PSTPIP1: variants seen among roughly 807,000 people sequenced by gnomAD.
The protein encoded by PSTPIP1 is proline-serine-threonine phosphatase-interacting protein 1.
PSTPIP1 carries 66 observed loss-of-function variants against 69.6 expected under a neutral mutation model. The ratio of observed to expected loss-of-function variants is 0.95; its 90% confidence interval spans 0.78 to 1.16. The LOEUF is 1.16. Among genes scored for constraint, PSTPIP1 ranks in the 50% most tolerant of loss-of-function variants. The pLI is 0.00. For missense variants in PSTPIP1, 603 were observed against 557.4 expected (o/e 1.08, Z -0.82); for synonymous variants, 266 against 222.7 (o/e 1.19, Z -1.73).
chr15:77,017,470 T>A (rs2076073579), intron 1 of PSTPIP1, among the ~76,000 whole-genome samples: 1 of 152,142 alleles, frequency 6.6e-6, no homozygotes, highest in South Asian at 2.1e-4. Flanking sequence ...AGGGTGTGCT[T>A]GCGCATGCTC....
At chr15:77,026,881 T>C (rs1442143624) in intron 5 of PSTPIP1, among the ~76,000 whole-genome samples, 2 of 152,236 alleles carry the variant, frequency 1.3e-5, no homozygotes, top group Non-Finnish European at 1.5e-5. Flanking sequence ...CCAGAGGAGC[T>C]GCACTGGCTG....
At chr15:77,013,843 T>C (rs2075995216) in intron 1 of PSTPIP1, among the ~76,000 whole-genome samples, 1 of 152,234 alleles carries the variant, frequency 6.6e-6, no homozygotes, top group South Asian at 2.1e-4. Flanking sequence ...ATAGATGCTG[T>C]ATTCTGGAGT....
chr15:77,028,251 C>A (rs2076331571), intron 6 of PSTPIP1: 1 of 493,060 alleles, frequency 2.0e-6, no homozygotes, highest in Non-Finnish European at 3.6e-6. Context: ...CCTAAGAGGG[C>A]GCGGCGTGGC....
intron 4 of PSTPIP1, 81 bp from the exon 5 acceptor site, chr15:77,025,417 C>G: frequency 6.3e-7 from 1 of 1,583,866 alleles, no homozygotes; most frequent in Non-Finnish European, 8.7e-7. Context: ...TGGGGCTGGG[C>G]TGGCCCACAC....
At chr15:77,009,857 G>C (rs896574472) in intron 1 of PSTPIP1, among the ~76,000 whole-genome samples, 1 of 152,166 alleles carries the variant, frequency 6.6e-6, no homozygotes, top group African/African-American at 2.4e-5. Context: ...TCCTCCCCTG[G>C]GACATCCCTG....
chr15:76,995,202 C>A lies in PSTPIP1; in HGVS notation c.-372C>A. On this transcript the variant is annotated 5_prime_UTR_variant, in exon 1 of 15. Transcript: ENST00000558012. ...GGCCCGAGCTCCAGCCTGCCTCTTC[C>A]ACTGGCCACTGCCTCCCACCCAGGG... 8.3e-7 allele frequency: 1 copy of A among 1,209,440 alleles called. No individual in the cohort carries two copies. The highest frequency in any genetic ancestry group is 1.0e-6 in the Non-Finnish European group (1 of 958,866). 74.9% of individuals were successfully genotyped at this position (1,209,440 alleles called of 1,614,324 possible).
chr15:76,995,087 T>C, upstream of PSTPIP1: 1 of 1,177,758 alleles, frequency 8.5e-7, no homozygotes, highest in Middle Eastern at 3.9e-4. Flanking sequence ...CCACTTCCTG[T>C]GGGCGAGGGC....
At chr15:77,002,930 A>C in intron 1 of PSTPIP1, among the ~76,000 whole-genome samples, 1 of 152,126 alleles carries the variant, frequency 6.6e-6, no homozygotes, top group Non-Finnish European at 1.5e-5. Context: ...AGGATTTGAG[A>C]CATGTCAGGA....
At chr15:76,996,349 C>G (rs1202972255) in intron 1 of PSTPIP1, among the ~76,000 whole-genome samples, 3 of 152,256 alleles carry the variant, frequency 2.0e-5, no homozygotes, top group Admixed American at 1.3e-4. Flanking sequence ...GCTTGGACCC[C>G]TGGTCATCTC....
rs564043400 is a variant in PSTPIP1, at chr15:77,013,582, C to A, written c.37-4566C>A. On this transcript the variant is annotated intron_variant, in intron 1 of 14. Coordinates refer to ENST00000558012, the MANE Select transcript of PSTPIP1 (RefSeq NM_003978.5). ...GAGTCCCTGACCACTCCGTTCCCTA[C>A]AGCCTTCCACTTCCAACCTCTCCCG... 5.3e-5 allele frequency among the ~76,000 whole-genome samples: 8 copies of A among 152,318 alleles called. 1 individual carries two copies. The South Asian group carries it at 1.7e-3, about 32-fold the overall frequency.
At chr15:77,003,865 C>T (rs555874735) in intron 1 of PSTPIP1, among the ~76,000 whole-genome samples, 10 of 152,266 alleles carry the variant, frequency 6.6e-5, no homozygotes, top group Admixed American at 6.5e-4. Flanking sequence ...TCCTGCTCAC[C>T]ACAGTGGAGT....
At chr15:77,031,086 C>G in intron 9 of PSTPIP1, 94 bp from the exon 10 acceptor site, 5 of 1,247,012 alleles carry the variant, frequency 4.0e-6, no homozygotes, top group Non-Finnish European at 5.8e-6. Context: ...AGAGGGCTGG[C>G]CTGGTCAGCT....
chr15:76,994,761 G>C, upstream of PSTPIP1: 4 of 1,289,118 alleles, frequency 3.1e-6, no homozygotes, highest in Non-Finnish European at 4.0e-6. Flanking sequence ...GGCAGGACCT[G>C]GTTTGGGTCC....
rs375877680 is a variant in PSTPIP1 at position 76,995,559 on chromosome 15, G to A, written c.-15G>A. 5.1e-5 allele frequency: 83 copies of A among 1,613,720 alleles called. No homozygotes were observed. The highest frequency in any genetic ancestry group is 6.2e-5 in the Non-Finnish European group (73 of 1,179,876). On this transcript the variant is annotated 5_prime_UTR_variant, in exon 1 of 15. Coordinates refer to ENST00000558012, the MANE Select transcript of PSTPIP1 (RefSeq NM_003978.5). ...GTGGCAGGAGAGTGAGCTTTGCCGC[G>A]GCAGACGCCTGAGGATGATGCCCCA...
chr15:77,018,655 C>T (rs1206283302), intron 3 of PSTPIP1, 124 bp downstream of exon 3: 2 of 1,032,620 alleles, frequency 1.9e-6, no homozygotes, highest in Non-Finnish European at 2.7e-6. Flanking sequence ...GTCTGGATTG[C>T]TCCTTGGTGC....
chr15:77,016,515 G>C (rs958066856), intron 1 of PSTPIP1, among the ~76,000 whole-genome samples: 3 of 152,130 alleles, frequency 2.0e-5, no homozygotes, highest in African/African-American at 7.2e-5. Flanking sequence ...TCTGAGGCTG[G>C]GGGGACAGCT....
At chr15:77,015,254 A>G (rs1023676301) in intron 1 of PSTPIP1, among the ~76,000 whole-genome samples, 15 of 152,316 alleles carry the variant, frequency 9.8e-5, no homozygotes, top group African/African-American at 3.6e-4. Context: ...TGTCTACTAA[A>G]TGGCTGATGT....
At chr15:76,997,189 T>C (rs2075599266) in intron 1 of PSTPIP1, among the ~76,000 whole-genome samples, 1 of 152,228 alleles carries the variant, frequency 6.6e-6, no homozygotes, top group Admixed American at 6.5e-5. Flanking sequence ...CTGCCCACAC[T>C]CTGTGCTCGT....
At chr15:77,017,393 C>G (rs1249348493) in intron 1 of PSTPIP1, among the ~76,000 whole-genome samples, 1 of 152,212 alleles carries the variant, frequency 6.6e-6, no homozygotes, top group Non-Finnish European at 1.5e-5. Flanking sequence ...TGCCAGGCAG[C>G]AGAGGGTAGC....
Sources: allele counts gnomAD v4.1 joint callset (sites outside exome capture counted in the v4.1 genomes callset), GRCh38; gene constraint gnomAD v4.1.1; transcripts MANE v1.5; gene names NCBI Gene and HGNC (gene_info 2026-07-23, HGNC 2026-07-21).